The following COLGALT2 variants were observed in gnomAD, a reference collection of about 807,000 sequenced individuals.
COLGALT2 encodes procollagen galactosyltransferase 2.
In COLGALT2, 49 loss-of-function variants were observed where a neutral mutation model predicts 73.4. That is an observed-to-expected ratio of 0.67 (90% CI 0.53 to 0.85). The LOEUF (loss-of-function observed/expected upper bound fraction) is 0.85, where lower values mean the gene tolerates loss of function less well. Ranked by LOEUF, COLGALT2 falls within the 40% of genes least tolerant of loss-of-function variation. COLGALT2 has a pLI of 0.00. For missense variants in COLGALT2, 722 were observed against 790.2 expected (o/e 0.91, Z 1.03); for synonymous variants, 295 against 307.6 (o/e 0.96, Z 0.43).
chr1:184,032,652 G>T (rs1649551894), intron 1 of COLGALT2, among the ~76,000 whole-genome samples: 1 of 152,178 alleles, frequency 6.6e-6, no homozygotes, highest in African/African-American at 2.4e-5. Context: ...GGGGCCTAAG[G>T]CATCATCTGC....
intron 1 of COLGALT2, among the ~76,000 whole-genome samples, chr1:183,993,154 T>G (rs1671674333): frequency 6.6e-6 from 1 of 152,182 alleles, no homozygotes; most frequent in South Asian, 2.1e-4. Context: ...GAAGACAAAA[T>G]GACTTTTGGG....
At chr1:183,978,295 A>G (rs1671260203) in intron 2 of COLGALT2, 115 bp downstream of exon 2, 1 of 617,230 alleles carries the variant, frequency 1.6e-6, no homozygotes, top group Non-Finnish European at 2.9e-6. Flanking sequence ...TCACATAGCT[A>G]CAGAAATGAA....
chr1:183,935,598 T>C (rs1669931599), downstream of COLGALT2, among the ~76,000 whole-genome samples: 1 of 152,238 alleles, frequency 6.6e-6, no homozygotes, highest in African/African-American at 2.4e-5. Context: ...GTGGGGGCTC[T>C]CTTCCATCTT....
chr1:183,944,504 TATG>T (rs1177492453), intron 9 of COLGALT2, among the ~76,000 whole-genome samples, 181 bp from the exon 10 acceptor site: 1 of 152,228 alleles, frequency 6.6e-6, no homozygotes, highest in East Asian at 1.9e-4. Context: ...AGTGAGGATA[TATG>T]ATCACAATTA....
At chr1:184,010,780 T>C (rs1187230226) in intron 1 of COLGALT2, among the ~76,000 whole-genome samples, 8 of 152,214 alleles carry the variant, frequency 5.3e-5, no homozygotes, top group African/African-American at 1.9e-4. Context: ...CTTCAAGGTT[T>C]CTTTGAACTC....
chr1:183,979,251 A>G (rs1170674185), intron 1 of COLGALT2, among the ~76,000 whole-genome samples: 1 of 152,146 alleles, frequency 6.6e-6, no homozygotes, highest in African/African-American at 2.4e-5. Flanking sequence ...ATCACAAAGC[A>G]AAACCCAACA....
At chr1:183,945,395 C>T (rs1268522721) in intron 9 of COLGALT2, 37 bp downstream of exon 9, 5 of 1,606,938 alleles carry the variant, frequency 3.1e-6, no homozygotes, top group Non-Finnish European at 4.2e-6. Flanking sequence ...CCTTTCTCCT[C>T]ATCATAAAAC....
Position 183,973,724 on chromosome 1 carries a change from A to C in COLGALT2, c.519T>G (p.Thr173=), listed in dbSNP as rs1334871304. 6.2e-7 allele frequency: 1 copy of C among 1,613,930 alleles called. No homozygotes were observed. Among genetic ancestry groups the C allele is most frequent in the Non-Finnish European group, 8.5e-7 (1 of 1,179,876 alleles). Residue 173 remains threonine (T), a synonymous_variant, in exon 4 of 12, where the codon ACT becomes ACG. Coordinates refer to ENST00000361927, the MANE Select transcript of COLGALT2 (RefSeq NM_015101.4). The part of the protein sequence containing the change: ...ILFIDVDNFL[T]NPQTLNLLIA... ...TCAGTAGATTGAGGGTCTGTGGATT[A>C]GTCAGGAAATTGTCAACATCTATGA...
chr1:183,934,194 A>G (rs1240730108), downstream of COLGALT2, among the ~76,000 whole-genome samples: 1 of 152,212 alleles, frequency 6.6e-6, no homozygotes, highest in Non-Finnish European at 1.5e-5. Context: ...AAGCTCACCT[A>G]AACTCCTCTT....
Position 183,936,285 on chromosome 1 carries a change from C to T in COLGALT2, c.*2476G>A. On this transcript the variant is annotated 3_prime_UTR_variant, in exon 12 of 12. Transcript: ENST00000361927. ...TAGGACAAATAATGAGGTCAAGGAA[C>T]CTCTGGATTGCTGAAGAGATGACTT... 1 of 985,672 alleles carries T rather than the reference C, an allele frequency of 1.0e-6. No individual in the cohort carries two copies. Among genetic ancestry groups the T allele is most frequent in the Non-Finnish European group, 1.2e-6 (1 of 829,912 alleles). 61.1% of individuals were successfully genotyped at this position (985,672 alleles called of 1,614,324 possible).
At chr1:183,955,712 C>A (rs78613244) in intron 6 of COLGALT2, among the ~76,000 whole-genome samples, 178 of 150,844 alleles carry the variant, frequency 1.2e-3, no homozygotes, top group Middle Eastern at 3.4e-3. Context: ...TAGTATTATA[C>A]AAATTCAAAG....
intron 1 of COLGALT2, among the ~76,000 whole-genome samples, chr1:184,032,870 TG>T (rs1408189859): frequency 6.6e-6 from 1 of 152,246 alleles, no homozygotes; most frequent in African/African-American, 2.4e-5. Context: ...CATTAAAATG[TG>T]GAGATAAATT....
At chr1:183,960,585 G>A (rs1466723564) in intron 6 of COLGALT2, among the ~76,000 whole-genome samples, 1 of 152,090 alleles carries the variant, frequency 6.6e-6, no homozygotes, top group Non-Finnish European at 1.5e-5. Context: ...TGAATCCCTA[G>A]TACCTTCAGA....
chr1:183,985,155 C>T (rs963485796), intron 1 of COLGALT2, among the ~76,000 whole-genome samples: 2 of 152,206 alleles, frequency 1.3e-5, no homozygotes, highest in African/African-American at 4.8e-5. Context: ...ACAAGTCCTA[C>T]TGAGGTTGTT....
At chr1:183,945,635 G>C (rs1647060095) in intron 8 of COLGALT2, 71 bp from the exon 9 acceptor site, 133 of 1,526,434 alleles carry the variant, frequency 8.7e-5, no homozygotes, top group Non-Finnish European at 1.1e-4. Flanking sequence ...GAGAAAGAGA[G>C]AGTTAGTTCT....
intron 9 of COLGALT2, among the ~76,000 whole-genome samples, chr1:183,944,572 T>G (rs1670199643): frequency 6.6e-6 from 1 of 152,204 alleles, no homozygotes; most frequent in Non-Finnish European, 1.5e-5. Context: ...GTACACATAC[T>G]GCATGATTCC....
At chr1:183,995,550 G>T (rs1671748115) in intron 1 of COLGALT2, among the ~76,000 whole-genome samples, 1 of 152,230 alleles carries the variant, frequency 6.6e-6, no homozygotes, top group African/African-American at 2.4e-5. Flanking sequence ...TGGAGGCGCA[G>T]CCTCCGGAAG....
In COLGALT2 at chr1:183,969,261, A is replaced by T; in HGVS notation, c.832+8T>A. 6.2e-7 allele frequency: 1 copy of T among 1,606,552 alleles called. No homozygotes were observed. On this transcript the variant is annotated splice_region_variant and intron_variant, in intron 5 of 11. Transcript: ENST00000361927. ...CATTGTGGCACTACAACCAAAGACA[A>T]ACAGTACCTGCTTGCCTGCTGGAGA...
downstream of COLGALT2, among the ~76,000 whole-genome samples, chr1:183,932,523 G>T (rs1050786887): frequency 6.6e-6 from 1 of 152,080 alleles, no homozygotes; most frequent in Non-Finnish European, 1.5e-5. Flanking sequence ...CTTAGAGGTG[G>T]GGCTTCCACG....
Sources: allele counts gnomAD v4.1 joint callset (sites outside exome capture counted in the v4.1 genomes callset), GRCh38; gene constraint gnomAD v4.1.1; transcripts MANE v1.5; gene names NCBI Gene and HGNC (gene_info 2026-07-23, HGNC 2026-07-21).